The following ULK2 variants were observed in gnomAD, a reference collection of about 807,000 sequenced individuals.
The protein encoded by ULK2 is serine/threonine-protein kinase ULK2.
A neutral mutation model predicts 127.5 loss-of-function variants in ULK2; 76 were observed. The ratio of observed to expected loss-of-function variants is 0.60; its 90% CI spans 0.50 to 0.72. The LOEUF (loss-of-function observed/expected upper bound fraction) is 0.72, where lower values mean the gene tolerates loss of function less well. ULK2 is among the 30% of genes least tolerant of loss of function. The pLI is 0.00. For missense variants in ULK2, 1,144 were observed against 1,295.9 expected, an observed-to-expected ratio of 0.88 and a Z score of 1.80; for synonymous variants, 452 against 461.9, an observed-to-expected ratio of 0.98 and a Z score of 0.28.
At position 19,780,648 on chromosome 17, in the gene ULK2, G is replaced by T; in HGVS notation, c.2759-19C>A. ...TTGACAACTGAAAAAAAATTGAGAT[G>T]GGAACTAATTTTAATTTTCCTCCAG... On this transcript the variant is annotated intron_variant, in intron 24 of 26. Coordinates refer to ENST00000395544, the MANE Select transcript of ULK2 (RefSeq NM_014683.4). 1 of 1,588,514 alleles carries T rather than the reference G, an allele frequency of 6.3e-7. No individual in the cohort carries two copies.
chr17:19,790,860 A>C (rs1300109358), intron 20 of ULK2, among the ~76,000 whole-genome samples: 2 of 152,260 alleles, frequency 1.3e-5, no homozygotes, highest in Admixed American at 6.5e-5. Flanking sequence ...AGGAGTAGCT[A>C]TACTTACATC....
At chr17:19,777,385 G>T (rs372019973) in intron 26 of ULK2, among the ~76,000 whole-genome samples, 196 bp downstream of exon 26, 33 of 152,316 alleles carry the variant, frequency 2.2e-4, no homozygotes, top group African/African-American at 7.5e-4. Context: ...GATTACAGGC[G>T]TGAGACACTG....
intron 3 of ULK2, among the ~76,000 whole-genome samples, chr17:19,857,122 AC>A (rs1283397891): frequency 6.6e-6 from 1 of 151,610 alleles, no homozygotes; most frequent in African/African-American, 2.4e-5. Context: ...GCTGGCCAAT[AC>A]GGCAAAACCT....
At chr17:19,784,161 G>A (rs1567674628) in intron 21 of ULK2, 1 of 311,604 alleles carries the variant, frequency 3.2e-6, no homozygotes, top group Admixed American at 5.0e-5. Context: ...AACAAATTTA[G>A]ATCATATTCA....
chr17:19,862,218 T>G (rs563788387), intron 3 of ULK2, among the ~76,000 whole-genome samples: 1 of 151,594 alleles, frequency 6.6e-6, no homozygotes, highest in Non-Finnish European at 1.5e-5. Context: ...TGCCTCAGCC[T>G]CCTGAGTAAC....
rs896324016 is a variant in ULK2 at position 19,832,028 on chromosome 17, G to A, written c.788-5842C>T. On this transcript the variant is annotated intron_variant, in intron 10 of 26. Coordinates refer to ENST00000395544, the MANE Select transcript of ULK2 (RefSeq NM_014683.4). ...AGTCCCAGCTACTCTGGAGGCTGAA[G>A]CAGGAGTATCGCCTGAACCCAGGAG... 2.6e-5 allele frequency among the ~76,000 whole-genome samples: 4 copies of A among 151,808 alleles called. No homozygotes were observed. In the East Asian group the frequency reaches 7.8e-4, roughly 29 times the overall value.
Position 19,867,539 on chromosome 17 carries a change from C to T in ULK2, c.-122G>A, listed in dbSNP as rs2042382176. 1 of 523,990 alleles carries T rather than the reference C, an allele frequency of 1.9e-6. No individual in the cohort carries two copies. The highest frequency in any genetic ancestry group is 2.0e-5 in the African/African-American group (1 of 49,018). The allele number at this position is 523,990 out of a possible 1,614,324, so 32.5% of individuals were successfully genotyped here. A position where few individuals can be genotyped will look rare whatever the true frequency, so the allele number is the denominator to read the frequency against. ...CGGCGGGTCTGGGGCAGCCGCAGCC[C>T]CGGGCCCGGGCGGACTCTCATGCCG... On this transcript the variant is annotated 5_prime_UTR_variant, in exon 1 of 27. Transcript: ENST00000395544.
At chr17:19,857,041 C>A (rs2042147776) in intron 3 of ULK2, among the ~76,000 whole-genome samples, 7 of 148,364 alleles carry the variant, frequency 4.7e-5, no homozygotes. Context: ...CACGGTGGCT[C>A]ACACCTGTAA....
intron 3 of ULK2, among the ~76,000 whole-genome samples, chr17:19,859,265 G>A (rs898743285): frequency 6.6e-6 from 1 of 152,128 alleles, no homozygotes; most frequent in Non-Finnish European, 1.5e-5. Context: ...TGTAATCCCA[G>A]CACTTTGGGA....
intron 13 of ULK2, among the ~76,000 whole-genome samples, chr17:19,814,437 TA>T (rs67625305): frequency 0.054 from 764 of 14,030 alleles, 11 homozygotes; most frequent in African/African-American, 0.11. Flanking sequence ...TATATATATA[TA>T]TTTTTTTTTT....
At chr17:19,861,747 G>A (rs1462098458) in intron 3 of ULK2, among the ~76,000 whole-genome samples, 1 of 152,200 alleles carries the variant, frequency 6.6e-6, no homozygotes, top group African/African-American at 2.4e-5. Flanking sequence ...GCAGTGAGGA[G>A]AACCAACATT....
At chr17:19,802,996 A>G (rs748439286) in intron 15 of ULK2, among the ~76,000 whole-genome samples, 1 of 152,214 alleles carries the variant, frequency 6.6e-6, no homozygotes, top group Non-Finnish European at 1.5e-5. Flanking sequence ...GTCAAGGTAT[A>G]ACAGAAGCTG....
intron 3 of ULK2, among the ~76,000 whole-genome samples, chr17:19,858,842 C>A (rs1265545191): frequency 6.6e-6 from 1 of 151,930 alleles, no homozygotes; most frequent in African/African-American, 2.4e-5. Context: ...TGGTGGTGGG[C>A]GCCTGTAATC....
At chr17:19,856,662 T>C (rs577589854) in intron 3 of ULK2, among the ~76,000 whole-genome samples, 1 of 151,056 alleles carries the variant, frequency 6.6e-6, no homozygotes, top group Admixed American at 6.6e-5. Flanking sequence ...ATTTGTTCAT[T>C]GTATTATTTG....
rs962287352 is a variant in ULK2, at chr17:19,845,907, G to A, written c.470-530C>T. 4.0e-5 allele frequency among the ~76,000 whole-genome samples: 6 copies of A among 151,574 alleles called. No homozygotes were observed. In the South Asian group the frequency reaches 6.3e-4, roughly 16 times the overall value. On this transcript the variant is annotated intron_variant, in intron 6 of 26. Transcript: ENST00000395544. ...GCAGATCACCTAAAGTCAGGAGCTCGAGACCAGCCTGGCCAACACGGTGAA... is the reference window on the plus strand; with the variant it reads ...GCAGATCACCTAAAGTCAGGAGCTCAAGACCAGCCTGGCCAACACGGTGAA...
chr17:19,794,675 G>A (rs2087226220), intron 20 of ULK2, among the ~76,000 whole-genome samples: 1 of 150,596 alleles, frequency 6.6e-6, no homozygotes, highest in Non-Finnish European at 1.5e-5. Flanking sequence ...TGCTGGCTCA[G>A]ATATTTCCTC....
intron 16 of ULK2, among the ~76,000 whole-genome samples, chr17:19,799,852 A>AT (rs1204598912): frequency 6.6e-6 from 1 of 152,254 alleles, no homozygotes; most frequent in Non-Finnish European, 1.5e-5. Flanking sequence ...AGGTATGTCC[A>AT]TAAGACAGGT....
At chr17:19,829,828 G>C (rs1480917550) in intron 10 of ULK2, among the ~76,000 whole-genome samples, 1 of 92,182 alleles carries the variant, frequency 1.1e-5, no homozygotes, top group African/African-American at 4.5e-5. Context: ...GACAGAGCGA[G>C]ACTCCATTTC....
At chr17:19,808,851 T>G (rs746716240) in intron 14 of ULK2, among the ~76,000 whole-genome samples, 1 of 152,214 alleles carries the variant, frequency 6.6e-6, no homozygotes, top group African/African-American at 2.4e-5. Context: ...ATAACTGCTA[T>G]GGAAAATTTA....
Sources: allele counts gnomAD v4.1 joint callset (sites outside exome capture counted in the v4.1 genomes callset), GRCh38; gene constraint gnomAD v4.1.1; transcripts MANE v1.5; gene names NCBI Gene and HGNC (gene_info 2026-07-23, HGNC 2026-07-21).